The following PRKCH variants were observed in gnomAD, a reference collection of about 807,000 sequenced individuals.
PRKCH encodes protein kinase C eta.
Under a neutral mutation model 82.5 loss-of-function variants are expected in PRKCH, and 28 were observed. The observed-to-expected ratio is 0.34, with a 90% CI of 0.25 to 0.47. The LOEUF is 0.47. PRKCH is among the 20% of genes least tolerant of loss of function. The pLI is 1.00. For synonymous variants in PRKCH, 322 were observed against 327.4 expected (o/e 0.98, Z 0.18); for missense variants, 705 against 881.8 (o/e 0.80, Z 2.54).
At chr14:61,315,650 T>C (rs930725034) in intron 1 of PRKCH, among the ~76,000 whole-genome samples, 7 of 152,330 alleles carry the variant, frequency 4.6e-5, no homozygotes, top group African/African-American at 1.7e-4. Flanking sequence ...TTGTTTTAAT[T>C]TACCCGTGTT....
chr14:61,338,887 T>C (rs1465220730), intron 1 of PRKCH, among the ~76,000 whole-genome samples: 1 of 152,116 alleles, frequency 6.6e-6, no homozygotes, highest in African/African-American at 2.4e-5. Context: ...TATTTTAAAA[T>C]AGGAAAAATC....
chr14:61,247,755 A>AAAAAAAAAG (rs1555371277), intron 1 of PRKCH, among the ~76,000 whole-genome samples: 1 of 149,340 alleles, frequency 6.7e-6, no homozygotes, highest in East Asian at 2.0e-4. Flanking sequence ...AAAAAAAAAA[A>AAAAAAAAAG]AAAGAAAGAA....
chr14:61,190,387 C>T (rs972316233), intron 1 of PRKCH, among the ~76,000 whole-genome samples: 4 of 152,130 alleles, frequency 2.6e-5, no homozygotes, highest in Admixed American at 6.5e-5. Flanking sequence ...GCTTCCCACC[C>T]GAACATCTGT....
chr14:61,246,801 T>G (rs2351804), intron 1 of PRKCH, among the ~76,000 whole-genome samples: 119,518 of 152,032 alleles, frequency 0.79, 47,645 homozygotes, highest in Non-Finnish European at 0.85. Context: ...TTGCACAGAT[T>G]GGTGCTAAAC....
At chr14:61,214,502 G>C (rs935516026) in intron 1 of PRKCH, among the ~76,000 whole-genome samples, 1 of 151,884 alleles carries the variant, frequency 6.6e-6, no homozygotes, top group Non-Finnish European at 1.5e-5. Flanking sequence ...CTGTCAGCTC[G>C]GGATGCTATG....
intron 1 of PRKCH, among the ~76,000 whole-genome samples, chr14:61,296,299 A>AT (rs1315958267): frequency 6.6e-6 from 1 of 152,162 alleles, no homozygotes; most frequent in Middle Eastern, 3.2e-3. Flanking sequence ...GCTATGAGGC[A>AT]TTGTTCTTGG....
chr14:61,241,794 A>G (rs2044840679), intron 1 of PRKCH, among the ~76,000 whole-genome samples: 1 of 152,274 alleles, frequency 6.6e-6, no homozygotes, highest in Non-Finnish European at 1.5e-5. Context: ...GCATCTCCTC[A>G]TGTATAAAAT....
chr14:61,289,226 G>A (rs945549105), intron 1 of PRKCH, among the ~76,000 whole-genome samples: 8 of 152,190 alleles, frequency 5.3e-5, no homozygotes, highest in African/African-American at 1.9e-4. Context: ...TGTAAAGGAA[G>A]GGGACCAGCA....
At chr14:61,506,527 C>T (rs754671356) in intron 10 of PRKCH, among the ~76,000 whole-genome samples, 37 of 152,096 alleles carry the variant, frequency 2.4e-4, no homozygotes, top group Non-Finnish European at 3.5e-4. Flanking sequence ...CTGGAAAGCT[C>T]GTCTTCTCTT....
chr14:61,451,081 G>C, intron 6 of PRKCH, 110 bp downstream of exon 6: 2 of 1,312,880 alleles, frequency 1.5e-6, no homozygotes, highest in Non-Finnish European at 2.0e-6. Context: ...TTTTAGATAT[G>C]TTGTAAATCA....
intron 1 of PRKCH, among the ~76,000 whole-genome samples, chr14:61,215,177 G>A (rs1349333914): frequency 6.6e-6 from 1 of 152,180 alleles, no homozygotes; most frequent in African/African-American, 2.4e-5. Flanking sequence ...TCCAACAACA[G>A]TCTAGATGTT....
At chr14:61,266,442 C>A (rs562239038) in intron 1 of PRKCH, among the ~76,000 whole-genome samples, 1 of 144,922 alleles carries the variant, frequency 6.9e-6, no homozygotes, top group African/African-American at 2.6e-5. Flanking sequence ...TAAATAAATA[C>A]ATAAATAAAA....
At chr14:61,375,945 A>AG (rs1315431677) in intron 1 of PRKCH, among the ~76,000 whole-genome samples, 1 of 149,950 alleles carries the variant, frequency 6.7e-6, no homozygotes, top group Non-Finnish European at 1.5e-5. Flanking sequence ...TGAACCCGGG[A>AG]GGTAGAGGTT....
intron 2 of PRKCH, among the ~76,000 whole-genome samples, chr14:61,397,092 T>G (rs1300578358): frequency 6.6e-6 from 1 of 152,102 alleles, no homozygotes; most frequent in African/African-American, 2.4e-5. Context: ...TTATAGAGAC[T>G]TGGAAGGTTG....
rs141333217 is a variant in PRKCH at position 61,311,049 on chromosome 14, C to A, written c.-19+123381C>A. 1.1e-4 allele frequency among the ~76,000 whole-genome samples: 17 copies of A among 152,334 alleles called. No individual in the cohort carries two copies. The East Asian group carries it at 3.1e-3, about 28-fold the overall frequency. ...TCCAAGGCTGCACAGAGCAGAAGGG[C>A]CCTGGGCCTGGCCCATGAAACCAAG... is the stretch of plus-strand genomic sequence containing the variant. On this transcript the variant is annotated intron_variant, in intron 1 of 3. Coordinates refer to the PRKCH transcript ENST00000555185.
chr14:61,254,604 G>C (rs2044980668), intron 1 of PRKCH, among the ~76,000 whole-genome samples: 1 of 151,974 alleles, frequency 6.6e-6, no homozygotes, highest in Non-Finnish European at 1.5e-5. Context: ...GACAGACCCT[G>C]TTTAAAAAAC....
chr14:61,257,634 CA>C (rs1202488353), intron 1 of PRKCH, among the ~76,000 whole-genome samples: 5 of 6,852 alleles, frequency 7.3e-4, no homozygotes, highest in Admixed American at 4.4e-3. Context: ...CACACACCCC[CA>C]CACACACACA....
At chr14:61,431,540 T>G (rs1883397590) in intron 2 of PRKCH, among the ~76,000 whole-genome samples, 1 of 152,220 alleles carries the variant, frequency 6.6e-6, no homozygotes, top group Non-Finnish European at 1.5e-5. Context: ...AGAATCGAGT[T>G]GCTGCAGACC....
rs554977543 is a variant in PRKCH, at chr14:61,330,086, T to C, written c.363+7622T>C. On this transcript the variant is annotated intron_variant, in intron 1 of 13. Coordinates refer to ENST00000332981, the MANE Select transcript of PRKCH (RefSeq NM_006255.5). ...AGGACACACATGACCCATTCTTTCG[T>C]AGGGCTTGTAATTCCAAGGGGGAGG... Among the ~76,000 whole-genome samples the C allele has an allele frequency of 4.8e-4, 73 of 152,302 alleles. 2 individuals carry two copies. The South Asian group carries it at 9.7e-3, about 20-fold the overall frequency.
Sources: gnomAD v4.1 joint callset for allele counts (sites outside exome capture counted in the v4.1 genomes callset) on GRCh38, gnomAD v4.1.1 for gene constraint, MANE v1.5 for transcripts, NCBI Gene and HGNC (gene_info 2026-07-23, HGNC 2026-07-21) for gene names.